Variants in AHI1 observed in about 807,000 individuals in gnomAD.
AHI1 encodes jouberin.
AHI1 carries 123 observed loss-of-function variants against 149.3 expected under a neutral mutation model. That is an observed-to-expected ratio of 0.82 (90% CI 0.71 to 0.96). The LOEUF is 0.96. Among genes scored for constraint, AHI1 ranks in the 40% least tolerant of loss-of-function variants. The pLI, the probability that AHI1 is intolerant of heterozygous loss-of-function variation, is 0.00. For missense variants in AHI1, 1,439 were observed against 1,422.7 expected (o/e 1.01, Z -0.18); for synonymous variants, 475 against 459.8 (o/e 1.03, Z -0.42).
intron 5 of AHI1, among the ~76,000 whole-genome samples, chr6:135,471,130 G>A (rs1791621732): frequency 6.6e-6 from 1 of 152,082 alleles, no homozygotes; most frequent in South Asian, 2.1e-4. Flanking sequence ...AGAAAAAAGA[G>A]CTAATCAAGA....
At chr6:135,376,837 G>A (rs1014199790) in intron 23 of AHI1, among the ~76,000 whole-genome samples, 1 of 120,468 alleles carries the variant, frequency 8.3e-6, no homozygotes, top group Admixed American at 1.1e-4. Flanking sequence ...AGCTGAGATC[G>A]CATCATTGCA....
intron 2 of AHI1, among the ~76,000 whole-genome samples, chr6:135,496,400 G>C (rs555507467): frequency 1.3e-5 from 2 of 152,144 alleles, no homozygotes; most frequent in Non-Finnish European, 2.9e-5. Context: ...TTACAGGCGT[G>C]ACCCACTGCG....
chr6:135,451,601 C>T (rs191267023), intron 11 of AHI1, among the ~76,000 whole-genome samples: 4 of 152,080 alleles, frequency 2.6e-5, no homozygotes, highest in Admixed American at 2.6e-4. Flanking sequence ...CTTACTCTTT[C>T]TGGGGGGTGG....
At chr6:135,441,253 G>T (rs929781224) in intron 14 of AHI1, among the ~76,000 whole-genome samples, 4 of 151,910 alleles carry the variant, frequency 2.6e-5, no homozygotes, top group Non-Finnish European at 5.9e-5. Context: ...TACTAAATTT[G>T]ACAACAGGTC....
intron 23 of AHI1, among the ~76,000 whole-genome samples, chr6:135,390,015 T>TA (rs538425011): frequency 2.4e-4 from 36 of 151,986 alleles, no homozygotes; most frequent in Middle Eastern, 6.8e-3. Flanking sequence ...TTTTGTGTTT[T>TA]TTTTATTTTA....
chr6:135,389,171 C>A (rs1270653667), intron 23 of AHI1, among the ~76,000 whole-genome samples: 2 of 151,814 alleles, frequency 1.3e-5, no homozygotes, highest in African/African-American at 4.8e-5. Context: ...ATTAGCCAGG[C>A]ATGGTGGCGG....
rs985280612 is a variant in AHI1 at position 135,440,413 on chromosome 6, C to T, written c.1913-1915G>A. ...AATGAAACAAAACAAAACAAAAAAC[C>T]GGGCATGAGATGTCCATAGGGGACA... On this transcript the variant is annotated intron_variant, in intron 14 of 28. Transcript: ENST00000265602. Among the ~76,000 whole-genome samples the T allele has an allele frequency of 5.7e-4, 87 of 152,136 alleles. 2 individuals carry two copies. The highest frequency in any genetic ancestry group is 1.9e-3 in the African/African-American group (77 of 41,510).
At position 135,447,124 on chromosome 6, in the gene AHI1, C is replaced by T; in HGVS notation, c.1663G>A (p.Glu555Lys). ...CAATGCACTGGTTTACCTTTTTCCT[C>T]CTGAAGAGCCATCATAGAGCGGTAA... ...PSYRSMMALQ[E>K]EKGKPVHCER... The change falls in exon 13 of 29, where the codon GAG (glutamate) becomes AAG (lysine). Residue 555 changes from glutamate to lysine, a missense_variant. Coordinates refer to ENST00000265602, the MANE Select transcript of AHI1 (RefSeq NM_001134831.2). The T allele has an allele frequency of 6.2e-7, 1 of 1,606,198 alleles. No individual in the cohort carries two copies. Among genetic ancestry groups the T allele is most frequent in the Non-Finnish European group, 8.5e-7 (1 of 1,176,246 alleles).
chr6:135,400,188 C>T (rs1022349941), intron 22 of AHI1, among the ~76,000 whole-genome samples: 6 of 152,042 alleles, frequency 3.9e-5, no homozygotes, highest in African/African-American at 1.4e-4. Context: ...TTTAAAAAAA[C>T]CTTTCCAAAT....
At chr6:135,489,107 G>T (rs1794889140) in intron 5 of AHI1, among the ~76,000 whole-genome samples, 1 of 152,134 alleles carries the variant, frequency 6.6e-6, no homozygotes, top group African/African-American at 2.4e-5. Flanking sequence ...AGTTAATCAT[G>T]TCAAAAATAT....
chr6:135,293,381 T>A (rs1782600363), intron 27 of AHI1, among the ~76,000 whole-genome samples: 1 of 123,620 alleles, frequency 8.1e-6, no homozygotes, highest in African/African-American at 3.2e-5. Flanking sequence ...TTCTACCCAG[T>A]GTTAACAGGG....
At chr6:135,489,531 T>C (rs1794948039) in intron 5 of AHI1, among the ~76,000 whole-genome samples, 1 of 152,128 alleles carries the variant, frequency 6.6e-6, no homozygotes, top group South Asian at 2.1e-4. Context: ...GGGGAGCGCA[T>C]ATATCAATAA....
intron 23 of AHI1, among the ~76,000 whole-genome samples, chr6:135,363,017 T>C (rs1418299124): frequency 2.0e-5 from 3 of 150,662 alleles, no homozygotes; most frequent in Non-Finnish European, 3.0e-5. Flanking sequence ...CTTTCATCCA[T>C]CTTTTTTTTA....
At position 135,455,932 on chromosome 6, in the gene AHI1, C is replaced by A; in HGVS notation, c.1152-6G>T. ...AAGATGAAACAGGCCGTCCACTGTACAAAAAAAGATACTTCCATTAACACA... is the reference window on the plus strand; with the variant it reads ...AAGATGAAACAGGCCGTCCACTGTAAAAAAAAAGATACTTCCATTAACACA... On this transcript the variant is annotated splice_polypyrimidine_tract_variant and splice_region_variant and intron_variant, in intron 9 of 28. Coordinates refer to ENST00000265602, the MANE Select transcript of AHI1 (RefSeq NM_001134831.2). The A allele has an allele frequency of 3.6e-6, 5 of 1,395,810 alleles. No homozygotes were observed. The highest frequency in any genetic ancestry group is 2.8e-6 in the Non-Finnish European group (3 of 1,062,194). 86.5% of individuals were successfully genotyped at this position (1,395,810 alleles called of 1,614,324 possible).
intron 12 of AHI1, among the ~76,000 whole-genome samples, chr6:135,447,774 T>C (rs755376147): frequency 1.3e-5 from 2 of 152,208 alleles, no homozygotes; most frequent in Non-Finnish European, 2.9e-5. Flanking sequence ...TACTGATTAT[T>C]TGAATAATAT....
intron 26 of AHI1, among the ~76,000 whole-genome samples, chr6:135,309,781 C>T (rs1422204558): frequency 1.3e-5 from 2 of 152,090 alleles, no homozygotes; most frequent in African/African-American, 2.4e-5. Flanking sequence ...CGCGCCCGCC[C>T]GCAGGTTAGT....
At chr6:135,456,760 T>C (rs1282900007) in intron 9 of AHI1, among the ~76,000 whole-genome samples, 1 of 152,158 alleles carries the variant, frequency 6.6e-6, no homozygotes, top group East Asian at 1.9e-4. Context: ...GTACTTTTCA[T>C]TTGGGATTTC....
At position 135,363,587 on chromosome 6, in the gene AHI1, G is replaced by A. The variant is rs1376165735; in HGVS notation, c.3110-5400C>T. Among the ~76,000 whole-genome samples the A allele has an allele frequency of 4.6e-5, 7 of 152,214 alleles. No individual in the cohort carries two copies. The East Asian group carries it at 1.4e-3, about 30-fold the overall frequency. On this transcript the variant is annotated intron_variant, in intron 23 of 28. Transcript: ENST00000265602. ...GGTACACCTCCCAGACGGGGTGGTG[G>A]CCGGGCAGAGGGGCTCCTCACTTCC...
chr6:135,491,056 G>C (rs1180174577), intron 4 of AHI1, among the ~76,000 whole-genome samples: 3 of 152,124 alleles, frequency 2.0e-5, no homozygotes, highest in Non-Finnish European at 2.9e-5. Flanking sequence ...CTTTAGACAA[G>C]TTACTCAAGA....
Sources: gnomAD v4.1 joint callset for allele counts (sites outside exome capture counted in the v4.1 genomes callset) on GRCh38, gnomAD v4.1.1 for gene constraint, MANE v1.5 for transcripts, NCBI Gene and HGNC (gene_info 2026-07-23, HGNC 2026-07-21) for gene names.